The following SVEP1 variants were observed in gnomAD, a reference collection of about 807,000 sequenced individuals.
The protein encoded by SVEP1 is sushi, von Willebrand factor type A, EGF and pentraxin domain containing 1, also known as sushi, von Willebrand factor type A, EGF and pentraxin domain-containing protein 1.
SVEP1 carries 164 observed loss-of-function variants against 367.3 expected under a neutral mutation model. The ratio of observed to expected loss-of-function variants is 0.45; its 90% CI spans 0.39 to 0.51. SVEP1 has a LOEUF of 0.51. Ranked by LOEUF, SVEP1 falls within the 20% of genes least tolerant of loss-of-function variation. The probability of loss-of-function intolerance (pLI) is 0.00; values close to 1 mark genes in which losing one functional copy is unlikely to be tolerated. For synonymous variants in SVEP1, 1,666 were observed against 1,611.6 expected, an observed-to-expected ratio of 1.03 and a Z score of -0.81; for missense variants, 4,117 against 4,425.3, an observed-to-expected ratio of 0.93 and a Z score of 1.98.
chr9:110,512,362 A>G (rs1444429500), intron 5 of SVEP1, among the ~76,000 whole-genome samples: 1 of 150,570 alleles, frequency 6.6e-6, no homozygotes, highest in East Asian at 1.9e-4. Flanking sequence ...AGATTGAGGC[A>G]CTATTTTTTT....
chr9:110,462,850 G>A (rs1479655269), intron 18 of SVEP1, among the ~76,000 whole-genome samples: 1 of 151,670 alleles, frequency 6.6e-6, no homozygotes, highest in African/African-American at 2.4e-5. Context: ...CAGTGTTAAG[G>A]GCAACACATA....
chr9:110,549,670 G>A (rs1386176381), intron 2 of SVEP1, among the ~76,000 whole-genome samples, 179 bp downstream of exon 2: 1 of 152,046 alleles, frequency 6.6e-6, no homozygotes, highest in Non-Finnish European at 1.5e-5. Flanking sequence ...TTGTTGCAAG[G>A]TCAGAATGTC....
intron 11 of SVEP1, among the ~76,000 whole-genome samples, 188 bp from the exon 12 acceptor site, chr9:110,481,624 T>C (rs973162047): frequency 6.6e-6 from 1 of 152,172 alleles, no homozygotes; most frequent in Non-Finnish European, 1.5e-5. Context: ...TTGACATACA[T>C]TGAAAAGCTG....
chr9:110,496,474 T>C (rs1308948889), intron 8 of SVEP1, among the ~76,000 whole-genome samples: 1 of 152,204 alleles, frequency 6.6e-6, no homozygotes, highest in Non-Finnish European at 1.5e-5. Flanking sequence ...TTTTGGACTT[T>C]TGTACTTATA....
intron 18 of SVEP1, 45 bp downstream of exon 18, chr9:110,465,820 A>C: frequency 6.3e-7 from 1 of 1,587,994 alleles, no homozygotes; most frequent in South Asian, 1.1e-5. Context: ...CATGCATAGA[A>C]CCTAGTAGGT....
intron 5 of SVEP1, among the ~76,000 whole-genome samples, chr9:110,508,963 C>T (rs1410752993): frequency 6.6e-6 from 1 of 152,006 alleles, no homozygotes; most frequent in Non-Finnish European, 1.5e-5. Flanking sequence ...TTCATTTCTG[C>T]CTCAATCTTA....
intron 30 of SVEP1, 28 bp from the exon 31 acceptor site, chr9:110,432,663 G>T: frequency 6.3e-7 from 1 of 1,578,982 alleles, no homozygotes; most frequent in South Asian, 1.2e-5. Context: ...AGAAGACAAC[G>T]ACATTAAGAG....
At chr9:110,542,316 C>A (rs889068301) in intron 3 of SVEP1, among the ~76,000 whole-genome samples, 2 of 152,066 alleles carry the variant, frequency 1.3e-5, no homozygotes, top group Non-Finnish European at 2.9e-5. Flanking sequence ...TTTCCTGAGG[C>A]CTCAATTTCC....
chr9:110,565,915 C>T (rs889649967), intron 1 of SVEP1, among the ~76,000 whole-genome samples: 5 of 152,050 alleles, frequency 3.3e-5, no homozygotes, highest in Non-Finnish European at 5.9e-5. Context: ...TTGGCCCAGA[C>T]TGCCTGGATT....
intron 8 of SVEP1, 80 bp from the exon 9 acceptor site, chr9:110,489,859 T>A: frequency 7.0e-7 from 1 of 1,436,228 alleles, no homozygotes; most frequent in Non-Finnish European, 9.3e-7. Context: ...TTATTAGTAA[T>A]GTTAACAATG....
At chr9:110,438,776 T>C (rs1828470016) in intron 27 of SVEP1, among the ~76,000 whole-genome samples, 1 of 152,220 alleles carries the variant, frequency 6.6e-6, no homozygotes, top group Non-Finnish European at 1.5e-5. Flanking sequence ...CCAGAAAGAC[T>C]GTATCAACTT....
chr9:110,547,543 A>G (rs1830235523), intron 2 of SVEP1, among the ~76,000 whole-genome samples: 1 of 152,122 alleles, frequency 6.6e-6, no homozygotes, highest in African/African-American at 2.4e-5. Context: ...CCACTGCACT[A>G]TATAGCCTGT....
At chr9:110,402,206 T>G (rs1827874097) in intron 39 of SVEP1, among the ~76,000 whole-genome samples, 1 of 152,156 alleles carries the variant, frequency 6.6e-6, no homozygotes, top group African/African-American at 2.4e-5. Flanking sequence ...GATGACTCCT[T>G]TATCAGAATC....
At chr9:110,540,968 G>A (rs911352548) in intron 3 of SVEP1, among the ~76,000 whole-genome samples, 2 of 152,120 alleles carry the variant, frequency 1.3e-5, no homozygotes, top group African/African-American at 4.8e-5. Context: ...CCACAACAAC[G>A]AGGAAGAAAG....
At chr9:110,502,925 T>C in intron 6 of SVEP1, 113 bp downstream of exon 6, 3 of 1,090,838 alleles carry the variant, frequency 2.8e-6, no homozygotes, top group Middle Eastern at 5.8e-4. Flanking sequence ...CATGTGGATA[T>C]GTATTTATAC....
chr9:110,481,180 C>T, intron 12 of SVEP1, 62 bp downstream of exon 12: 1 of 1,245,206 alleles, frequency 8.0e-7, no homozygotes, highest in Non-Finnish European at 1.0e-6. Flanking sequence ...TCCTCTTTAA[C>T]ACTTAGAAAT....
Position 110,579,226 on chromosome 9 carries a change from G to A in SVEP1, c.318C>T (p.Val106=), listed in dbSNP as rs1221183085. Residue 106 remains valine, a synonymous_variant, in exon 1 of 48, where the codon GTC becomes GTT. Transcript: ENST00000374469. The surrounding 1 kb of genome is among the most constrained non-coding windows in gnomAD (Gnocchi z 5.3). ...EVNFRSELMF[V]RKLLSDFPVV... ...CGGGGAAGTCGGACAGCAGCTTGCG[G>A]ACGAACATGAGCTCGCTGCGGAAGT... 1 of 1,570,386 alleles carries A rather than the reference G, an allele frequency of 6.4e-7. No individual in the cohort carries two copies. The highest frequency in any genetic ancestry group is 8.6e-7 in the Non-Finnish European group (1 of 1,158,650).
chr9:110,539,928 C>T (rs1003846244), intron 3 of SVEP1, among the ~76,000 whole-genome samples: 2 of 152,088 alleles, frequency 1.3e-5, no homozygotes, highest in African/African-American at 4.8e-5. Context: ...CCAGAAAACT[C>T]GAGCTCATAT....
chr9:110,388,827 G>GGCATGGTGGA (rs1186702227), intron 41 of SVEP1, among the ~76,000 whole-genome samples: 6 of 151,714 alleles, frequency 4.0e-5, no homozygotes, highest in African/African-American at 4.9e-5. Flanking sequence ...AAATTACCCG[G>GGCATGGTGGA]GCATGGTGGA....
Sources: allele counts gnomAD v4.1 joint callset (sites outside exome capture counted in the v4.1 genomes callset), GRCh38; gene constraint gnomAD v4.1.1; non-coding constraint Gnocchi (gnomAD v3.1); transcripts MANE v1.5; gene names NCBI Gene and HGNC (gene_info 2026-07-23, HGNC 2026-07-21).